The following PLEKHA5 variants were observed in gnomAD, a reference collection of about 807,000 sequenced individuals.
PLEKHA5 encodes pleckstrin homology domain containing A5, also known as pleckstrin homology domain-containing family A member 5.
PLEKHA5 carries 55 observed loss-of-function variants against 181.9 expected under a neutral mutation model. That is an observed-to-expected ratio of 0.30 (90% CI 0.24 to 0.38). The LOEUF (loss-of-function observed/expected upper bound fraction) is 0.38. Ranked by LOEUF, PLEKHA5 falls within the 10% of genes least tolerant of loss-of-function variation. PLEKHA5 has a pLI of 1.00. For missense variants in PLEKHA5, 1,432 were observed against 1,549.5 expected (o/e 0.92, Z 1.27); for synonymous variants, 535 against 529.4 (o/e 1.01, Z -0.15).
intron 13 of PLEKHA5, 96 bp from the exon 14 acceptor site, chr12:19,290,581 G>C: frequency 8.8e-7 from 1 of 1,132,308 alleles, no homozygotes; most frequent in East Asian, 2.6e-5. Context: ...AACCATAAGA[G>C]GAAACTTGCC....
At chr12:19,258,738 G>A (rs536174008) in intron 6 of PLEKHA5, among the ~76,000 whole-genome samples, 68 of 151,802 alleles carry the variant, frequency 4.5e-4, no homozygotes, top group Middle Eastern at 6.8e-3. Flanking sequence ...GCTAATTTTT[G>A]TATTTTTAGT....
At chr12:19,144,654 C>T (rs972108763) in intron 3 of PLEKHA5, among the ~76,000 whole-genome samples, 4 of 152,050 alleles carry the variant, frequency 2.6e-5, no homozygotes, top group Admixed American at 6.6e-5. Flanking sequence ...CTCTGTTTAG[C>T]GATAACTGTT....
At chr12:19,156,881 C>G (rs2041854134) in intron 3 of PLEKHA5, among the ~76,000 whole-genome samples, 1 of 125,970 alleles carries the variant, frequency 7.9e-6, no homozygotes, top group Non-Finnish European at 1.7e-5. Flanking sequence ...CAAATCTCTA[C>G]TAACAAAAAA....
At chr12:19,177,986 A>G (rs1347288671) in intron 3 of PLEKHA5, among the ~76,000 whole-genome samples, 2 of 152,228 alleles carry the variant, frequency 1.3e-5, no homozygotes, top group Non-Finnish European at 2.9e-5. Flanking sequence ...GAAATTGAGC[A>G]TACTGTTCCT....
chr12:19,305,948 C>T (rs1021433353), intron 15 of PLEKHA5, among the ~76,000 whole-genome samples: 3 of 146,400 alleles, frequency 2.0e-5, no homozygotes, highest in Non-Finnish European at 3.0e-5. Context: ...GACTTGGTGG[C>T]GCACGCCTGT....
chr12:19,367,465 G>T (rs2095461300), intron 30 of PLEKHA5, among the ~76,000 whole-genome samples: 1 of 150,662 alleles, frequency 6.6e-6, no homozygotes, highest in Admixed American at 6.6e-5. Flanking sequence ...ATGTTGGCCA[G>T]GCTGGTCTTG....
At chr12:19,217,665 AT>A (rs1436573020) in intron 3 of PLEKHA5, among the ~76,000 whole-genome samples, 4 of 152,196 alleles carry the variant, frequency 2.6e-5, no homozygotes, top group Admixed American at 6.5e-5. Context: ...GAATGTAAAG[AT>A]TTCCAGTCGT....
chr12:19,162,051 T>C (rs917720200), intron 3 of PLEKHA5, among the ~76,000 whole-genome samples: 2 of 152,174 alleles, frequency 1.3e-5, no homozygotes, highest in African/African-American at 4.8e-5. Flanking sequence ...TGTGGCTTGT[T>C]GCATGCATCC....
At chr12:19,372,774 CTT>C (rs1178948068) in intron 31 of PLEKHA5, 13 of 139,342 alleles carry the variant, frequency 9.3e-5, no homozygotes, top group Non-Finnish European at 9.3e-5. Context: ...TTTCTTTTTT[CTT>C]TTTTTTTTTT....
At chr12:19,222,288 A>G (rs1189037313) in intron 3 of PLEKHA5, among the ~76,000 whole-genome samples, 1 of 152,056 alleles carries the variant, frequency 6.6e-6, no homozygotes, top group Non-Finnish European at 1.5e-5. Context: ...GGATTTAGGA[A>G]TATTTATGTT....
intron 3 of PLEKHA5, among the ~76,000 whole-genome samples, chr12:19,134,952 G>A (rs1373251764): frequency 6.6e-6 from 1 of 152,126 alleles, no homozygotes; most frequent in African/African-American, 2.4e-5. Context: ...AAGAAAGGTG[G>A]TTATTGATCA....
intron 21 of PLEKHA5, among the ~76,000 whole-genome samples, chr12:19,337,548 C>CAAAAAAAAAAAAAAAAAAAAAA (rs1157232818): frequency 1.6e-5 from 1 of 61,688 alleles, no homozygotes; most frequent in Non-Finnish European, 3.4e-5. Context: ...GACTCTATCT[C>CAAAAAAAAAAAAAAAAAAAAAA]AAAAAAAAAA....
At chr12:19,245,750 A>AAAAAAC (rs2063584086) in intron 3 of PLEKHA5, among the ~76,000 whole-genome samples, 1 of 131,392 alleles carries the variant, frequency 7.6e-6, no homozygotes, top group African/African-American at 2.7e-5. Context: ...AAAAAAAAAA[A>AAAAAAC]CCTTCCTTTT....
intron 3 of PLEKHA5, among the ~76,000 whole-genome samples, chr12:19,145,641 A>T (rs192062078): frequency 6.6e-6 from 1 of 152,092 alleles, no homozygotes; most frequent in Admixed American, 6.5e-5. Flanking sequence ...TGGTTTTGTT[A>T]TACTCCTGTT....
At chr12:19,300,107 A>G (rs1458527943) in intron 15 of PLEKHA5, among the ~76,000 whole-genome samples, 1 of 152,214 alleles carries the variant, frequency 6.6e-6, no homozygotes, top group Non-Finnish European at 1.5e-5. Flanking sequence ...CACTTGTTTC[A>G]CATACACAGG....
intron 15 of PLEKHA5, among the ~76,000 whole-genome samples, chr12:19,301,337 T>C (rs2035531625): frequency 6.6e-6 from 1 of 152,198 alleles, no homozygotes; most frequent in African/African-American, 2.4e-5. Context: ...AACCTTATGT[T>C]CACAGTAAAA....
chr12:19,217,235 C>G (rs1011195183), intron 3 of PLEKHA5, among the ~76,000 whole-genome samples: 2 of 152,142 alleles, frequency 1.3e-5, no homozygotes, highest in African/African-American at 4.8e-5. Flanking sequence ...ATGTGTTAAG[C>G]ATTATTCTCT....
intron 3 of PLEKHA5, among the ~76,000 whole-genome samples, chr12:19,230,183 T>TGGTA (rs2060283300): frequency 6.6e-6 from 1 of 152,176 alleles, no homozygotes; most frequent in African/African-American, 2.4e-5. Flanking sequence ...GAGTGCTGAT[T>TGGTA]GGTACATTTA....
intron 15 of PLEKHA5, among the ~76,000 whole-genome samples, chr12:19,299,088 C>T (rs147049111): frequency 3.3e-4 from 50 of 152,348 alleles, no homozygotes; most frequent in African/African-American, 1.1e-3. Flanking sequence ...CCTGCCTCTC[C>T]ATCACTGTAA....
Sources: allele counts gnomAD v4.1 joint callset (sites outside exome capture counted in the v4.1 genomes callset), GRCh38; gene constraint gnomAD v4.1.1; transcripts MANE v1.5; gene names NCBI Gene and HGNC (gene_info 2026-07-23, HGNC 2026-07-21).